The following ELP3 variants were observed in gnomAD, a reference collection of about 807,000 sequenced individuals.
ELP3 encodes the protein elongator complex protein 3.
Under a neutral mutation model 74.9 loss-of-function variants are expected in ELP3, and 56 were observed. That is an observed-to-expected ratio of 0.75 (90% CI 0.60 to 0.93). ELP3 has a LOEUF of 0.93. ELP3 is among the 40% of genes least tolerant of loss of function. ELP3 has a pLI of 0.00. For missense variants in ELP3, 573 were observed against 686.5 expected (o/e 0.83, Z 1.85); for synonymous variants, 222 against 239.8 (o/e 0.93, Z 0.68).
intron 14 of ELP3, among the ~76,000 whole-genome samples, chr8:28,181,265 C>T (rs940323892): frequency 6.6e-6 from 1 of 152,194 alleles, no homozygotes; most frequent in African/African-American, 2.4e-5. Flanking sequence ...ACTCACGACT[C>T]TTCTGCCCTG....
chr8:28,155,863 CT>C lies in ELP3; in HGVS notation c.1101-73del, dbSNP rs1247318100. On this transcript the variant is annotated intron_variant, in intron 10 of 14. Transcript: ENST00000256398. ...GCTTTTTTATTTTTGTTCTTTTTAACTTTTTTAATATCCTTGCCTTACTGCT... is the reference window on the plus strand; with the variant it reads ...GCTTTTTTATTTTTGTTCTTTTTAACTTTTTAATATCCTTGCCTTACTGCT... The C allele has an allele frequency of 4.1e-6, 5 of 1,207,550 alleles. No homozygotes were observed. In the East Asian group the frequency reaches 1.2e-4, roughly 29 times the overall value. The allele number at this position is 1,207,550 out of a possible 1,614,324, so 74.8% of individuals were successfully genotyped here. A position where few individuals can be genotyped will look rare whatever the true frequency, so the allele number is the denominator to read the frequency against.
At chr8:28,112,152 T>C (rs13282722) in intron 6 of ELP3, among the ~76,000 whole-genome samples, 6 of 151,714 alleles carry the variant, frequency 4.0e-5, no homozygotes, top group African/African-American at 1.4e-4. Flanking sequence ...TATTATTATT[T>C]TTTTTTTTTT....
chr8:28,140,111 ATT>A (rs3221739), intron 10 of ELP3, among the ~76,000 whole-genome samples: 1 of 123,712 alleles, frequency 8.1e-6, no homozygotes, highest in East Asian at 2.7e-4. Flanking sequence ...AACTGTACAT[ATT>A]TTGTGTGTGT....
At position 28,097,250 on chromosome 8, in the gene ELP3, G is replaced by C. The variant is rs777631204; in HGVS notation, c.51G>C (p.Leu17=). ...GDLSPAELMM[L]TIGDVIKQLI... ...TCAGCCCTGCTGAGCTGATGATGCT[G>C]ACTATAGGAGATGTTATTAAACAAC... The change falls in exon 2 of 15, where the codon CTG becomes CTC. Residue 17 remains leucine (L), a synonymous_variant. Coordinates refer to ENST00000256398, the MANE Select transcript of ELP3 (RefSeq NM_018091.6). The C allele has an allele frequency of 6.2e-7, 1 of 1,613,806 alleles. No homozygotes were observed. Among genetic ancestry groups the C allele is most frequent in the East Asian group, 2.2e-5 (1 of 44,864 alleles).
chr8:28,109,931 G>A (rs1371921614), intron 5 of ELP3, among the ~76,000 whole-genome samples: 1 of 152,146 alleles, frequency 6.6e-6, no homozygotes, highest in East Asian at 1.9e-4. Context: ...ATATCTTAGT[G>A]AACATTTTAT....
intron 1 of ELP3, 166 bp downstream of exon 1, chr8:28,093,399 TTCCTG>T: frequency 2.1e-6 from 2 of 966,640 alleles, no homozygotes; most frequent in Non-Finnish European, 1.5e-6. Flanking sequence ...CTTCTCGTTT[TTCCTG>T]TTTTGCTTTT....
intron 10 of ELP3, among the ~76,000 whole-genome samples, chr8:28,146,225 G>T (rs998963570): frequency 3.9e-5 from 6 of 152,338 alleles, no homozygotes; most frequent in African/African-American, 1.4e-4. Flanking sequence ...ATGATTAAAT[G>T]TAAAATTCTG....
chr8:28,175,816 T>TG (rs1212035334), intron 14 of ELP3, among the ~76,000 whole-genome samples: 1 of 144,870 alleles, frequency 6.9e-6, no homozygotes, highest in Non-Finnish European at 1.5e-5. Context: ...GTGACTTTTT[T>TG]TTTTTTTTTT....
At chr8:28,106,539 C>CAAAAAAAA (rs61714722) in intron 3 of ELP3, among the ~76,000 whole-genome samples, 174 bp from the exon 4 acceptor site, 1 of 112,698 alleles carries the variant, frequency 8.9e-6, no homozygotes, top group African/African-American at 3.0e-5. Flanking sequence ...GACTCCGTCT[C>CAAAAAAAA]AAAAAAAAAA....
chr8:28,159,779 T>C (rs1470393640), intron 12 of ELP3, among the ~76,000 whole-genome samples: 1 of 152,214 alleles, frequency 6.6e-6, no homozygotes, highest in Non-Finnish European at 1.5e-5. Flanking sequence ...ATCACATTTT[T>C]CTTCCCCAAA....
At chr8:28,110,227 A>G (rs976862780) in intron 5 of ELP3, 143 bp from the exon 6 acceptor site, 1 of 723,712 alleles carries the variant, frequency 1.4e-6, no homozygotes, top group African/African-American at 1.8e-5. Flanking sequence ...TTGAACCCTG[A>G]CAAGACTGAG....
chr8:28,117,001 G>T (rs941287967), intron 7 of ELP3, among the ~76,000 whole-genome samples: 2 of 152,080 alleles, frequency 1.3e-5, no homozygotes, highest in African/African-American at 4.8e-5. Flanking sequence ...AAATTCCCTG[G>T]CAGGGACATC....
intron 7 of ELP3, among the ~76,000 whole-genome samples, chr8:28,126,396 A>G (rs563766495): frequency 6.6e-6 from 1 of 152,354 alleles, no homozygotes; most frequent in African/African-American, 2.4e-5. Context: ...AGAACATAGC[A>G]TCTTTTATAG....
chr8:28,189,827 G>A lies in ELP3; in HGVS notation c.*102G>A, dbSNP rs1335301330. 1.0e-5 allele frequency: 13 copies of A among 1,278,550 alleles called. No homozygotes were observed. The highest frequency in any genetic ancestry group is 1.3e-5 in the Non-Finnish European group (12 of 891,988). 79.2% of individuals were successfully genotyped at this position (1,278,550 alleles called of 1,614,324 possible). On this transcript the variant is annotated 3_prime_UTR_variant, in exon 15 of 15. Coordinates refer to ENST00000256398, the MANE Select transcript of ELP3 (RefSeq NM_018091.6). ...AGAGAGGCTGAGCAGAGCAAATGGGGGGCTTCACCCTCATCCCGCAGCTGC... is the reference window on the plus strand; with the variant it reads ...AGAGAGGCTGAGCAGAGCAAATGGGAGGCTTCACCCTCATCCCGCAGCTGC...
At chr8:28,155,812 T>A in intron 10 of ELP3, 130 bp from the exon 11 acceptor site, 1 of 635,670 alleles carries the variant, frequency 1.6e-6, no homozygotes. Context: ...TGCCTCTGAT[T>A]TCCTGGTCAG....
rs571328142 is a variant in ELP3 at position 28,115,775 on chromosome 8, G to A, written c.617+2602G>A. Among the ~76,000 whole-genome samples the A allele has an allele frequency of 1.7e-4, 26 of 152,302 alleles. 2 individuals are homozygous for A. In the South Asian group the frequency reaches 5.2e-3, roughly 30 times the overall value. ...GTGCTAGGTGTCAGAATGTGAGTGTGTCTGTATGTATGTGCACATGTGTGT... is the reference window on the plus strand; with the variant it reads ...GTGCTAGGTGTCAGAATGTGAGTGTATCTGTATGTATGTGCACATGTGTGT... On this transcript the variant is annotated intron_variant, in intron 7 of 14. Transcript: ENST00000256398.
intron 14 of ELP3, among the ~76,000 whole-genome samples, chr8:28,174,317 T>C (rs1220845053): frequency 1.3e-5 from 2 of 152,138 alleles, no homozygotes; most frequent in Non-Finnish European, 2.9e-5. Flanking sequence ...TAAATCTTCC[T>C]GATCATTGAA....
chr8:28,127,613 G>A (rs1005924019), intron 7 of ELP3, among the ~76,000 whole-genome samples: 3 of 152,102 alleles, frequency 2.0e-5, no homozygotes, highest in African/African-American at 7.2e-5. Context: ...CGTCTCTCCT[G>A]TGGCATCATG....
intron 14 of ELP3, among the ~76,000 whole-genome samples, chr8:28,164,694 AT>A (rs1407270364): frequency 1.3e-5 from 2 of 152,120 alleles, no homozygotes; most frequent in Non-Finnish European, 2.9e-5. Context: ...TGGATGATGC[AT>A]TTTTATTTCT....
Sources: gnomAD v4.1 joint callset for allele counts (sites outside exome capture counted in the v4.1 genomes callset) on GRCh38, gnomAD v4.1.1 for gene constraint, MANE v1.5 for transcripts, NCBI Gene and HGNC (gene_info 2026-07-23, HGNC 2026-07-21) for gene names.